ELK3: variants seen among roughly 807,000 people sequenced by gnomAD.
The protein encoded by ELK3 is ETS domain-containing protein Elk-3.
Under a neutral mutation model 28.9 loss-of-function variants are expected in ELK3, and 10 were observed. That is an observed-to-expected ratio of 0.35 (90% confidence interval 0.21 to 0.59). The LOEUF is 0.59. Among genes scored for constraint, ELK3 ranks in the 20% least tolerant of loss-of-function variants. The pLI, the probability that ELK3 is intolerant of heterozygous loss-of-function variation, is 0.82. For synonymous variants in ELK3, 272 were observed against 243.5 expected, an observed-to-expected ratio of 1.12 and a Z score of -1.09; for missense variants, 463 against 517.3, an observed-to-expected ratio of 0.90 and a Z score of 1.02.
chr12:96,235,099 C>T (rs1010196859), intron 2 of ELK3, among the ~76,000 whole-genome samples: 8 of 152,050 alleles, frequency 5.3e-5, no homozygotes, highest in Non-Finnish European at 1.2e-4. Context: ...GAGCGTGGCA[C>T]TCCTCTGCGT....
intron 2 of ELK3, among the ~76,000 whole-genome samples, chr12:96,225,730 C>T (rs1388114428): frequency 6.6e-6 from 1 of 152,370 alleles, no homozygotes; most frequent in Non-Finnish European, 1.5e-5. Flanking sequence ...AAGGCACACA[C>T]ACACCCTGCC....
intron 1 of ELK3, 61 bp from the exon 2 acceptor site, chr12:96,223,504 C>T: frequency 6.4e-7 from 1 of 1,568,586 alleles, no homozygotes; most frequent in Non-Finnish European, 8.8e-7. Context: ...CCCCCTCTCT[C>T]CTCGCCAAGT....
chr12:96,258,723 T>G (rs1951970426), intron 3 of ELK3, among the ~76,000 whole-genome samples: 1 of 152,212 alleles, frequency 6.6e-6, no homozygotes. Context: ...GCCCTCCTGC[T>G]GGCTTGCAGG....
rs564214105 is a variant in ELK3 at position 96,228,212 on chromosome 12, G to A, written c.207+4439G>A. On this transcript the variant is annotated intron_variant, in intron 2 of 4. Coordinates refer to ENST00000228741, the MANE Select transcript of ELK3 (RefSeq NM_005230.4). ...AGGTGGGTGGATCATGAGGTCAAGA[G>A]ATCAAGACCAGCCTGGCCAACATGG... is the stretch of plus-strand genomic sequence containing the variant. Among the ~76,000 whole-genome samples, 31 of 152,052 alleles carry A rather than the reference G, an allele frequency of 2.0e-4. No individual in the cohort carries two copies. The South Asian group carries it at 4.8e-3, about 23-fold the overall frequency.
rs145057515 is a variant in ELK3, at chr12:96,267,129, G to C, written c.1173G>C (p.Leu391=). The C allele has an allele frequency of 5.6e-6, 9 of 1,613,624 alleles. No homozygotes were observed. The African/African-American group carries it at 9.3e-5, about 17-fold the overall frequency. ...ACATGCCAGTGCCAATCCCCAGTCT[G>C]GACAGAGCTGCTTCTCCAGTACTGC... is the stretch of plus-strand genomic sequence containing the variant. ...NGHMPVPIPS[L]DRAASPVLLS... The change falls in exon 5 of 5, where the codon CTG becomes CTC. Residue 391 remains leucine, a synonymous_variant. Coordinates refer to ENST00000228741, the MANE Select transcript of ELK3 (RefSeq NM_005230.4).
chr12:96,233,875 T>C (rs1951761063), intron 2 of ELK3, among the ~76,000 whole-genome samples: 2 of 152,060 alleles, frequency 1.3e-5, no homozygotes, highest in South Asian at 4.1e-4. Context: ...TGGGTGTGAG[T>C]GTTGAGGGCC....
At chr12:96,241,628 C>T (rs768678063) in intron 2 of ELK3, among the ~76,000 whole-genome samples, 1 of 152,190 alleles carries the variant, frequency 6.6e-6, no homozygotes, top group African/African-American at 2.4e-5. Flanking sequence ...TCACGAGATC[C>T]TGTCATGGGC....
chr12:96,239,233 C>T (rs905399239), intron 2 of ELK3, among the ~76,000 whole-genome samples: 2 of 152,096 alleles, frequency 1.3e-5, no homozygotes, highest in African/African-American at 4.8e-5. Flanking sequence ...TTTATTTACA[C>T]ATATATGCAT....
chr12:96,267,267 T>C lies in ELK3; in HGVS notation c.*87T>C. The C allele has an allele frequency of 8.9e-7, 1 of 1,121,580 alleles. No individual in the cohort carries two copies. Among genetic ancestry groups the C allele is most frequent in the Non-Finnish European group, 1.3e-6 (1 of 789,632 alleles). The allele number at this position is 1,121,580 out of a possible 1,614,324, so 69.5% of individuals were successfully genotyped here. ...GTTTACCTGTGTCGTGAGAAGGACA[T>C]TGTGAAACTCTTGTTAATTTGGTTT... On this transcript the variant is annotated 3_prime_UTR_variant, in exon 5 of 5. Coordinates refer to ENST00000228741, the MANE Select transcript of ELK3 (RefSeq NM_005230.4).
In ELK3 at chr12:96,215,628, CCTT is replaced by C. The variant is rs1189634918; in HGVS notation, c.-2-7936_-2-7934del. Among the ~76,000 whole-genome samples, 725 of 134,994 alleles carry C rather than the reference CCTT, an allele frequency of 5.4e-3. 2 individuals carry two copies. The highest frequency in any genetic ancestry group is 8.7e-3 in the Non-Finnish European group (561 of 64,604). 88.6% of individuals were successfully genotyped at this position (134,994 alleles called of 152,430 possible). On this transcript the variant is annotated intron_variant, in intron 1 of 4. Coordinates refer to ENST00000228741, the MANE Select transcript of ELK3 (RefSeq NM_005230.4). ...GGAAAGACTAAAGAGGGACATAAAA[CCTT>C]TTTTTTTTTTTTTTTTTTTAAAGAG...
intron 3 of ELK3, among the ~76,000 whole-genome samples, chr12:96,249,649 A>T (rs1951888413): frequency 6.6e-6 from 1 of 151,970 alleles, no homozygotes; most frequent in Non-Finnish European, 1.5e-5. Flanking sequence ...GCCAGGGCTG[A>T]CTCTGATTTA....
chr12:96,225,726 C>T (rs1394636661), intron 2 of ELK3, among the ~76,000 whole-genome samples: 1 of 152,218 alleles, frequency 6.6e-6, no homozygotes, highest in African/African-American at 2.4e-5. Flanking sequence ...CCAAAAGGCA[C>T]ACACACACCC....
At chr12:96,222,531 G>A (rs975694013) in intron 1 of ELK3, among the ~76,000 whole-genome samples, 3 of 152,174 alleles carry the variant, frequency 2.0e-5, no homozygotes, top group African/African-American at 7.2e-5. Context: ...GTGATTGTTC[G>A]GTTTCACAAG....
At chr12:96,266,996 C>G in intron 4 of ELK3, 86 bp from the exon 5 acceptor site, 1 of 1,116,328 alleles carries the variant, frequency 9.0e-7, no homozygotes, top group Non-Finnish European at 1.3e-6. Flanking sequence ...AAATGGACTG[C>G]TATGGACTGT....
At chr12:96,251,724 G>T (rs1951908325) in intron 3 of ELK3, among the ~76,000 whole-genome samples, 1 of 152,220 alleles carries the variant, frequency 6.6e-6, no homozygotes, top group Non-Finnish European at 1.5e-5. Flanking sequence ...GGCTAACCCA[G>T]AGCAAGGCCC....
chr12:96,230,918 C>G (rs927758073), intron 2 of ELK3, among the ~76,000 whole-genome samples: 1 of 152,156 alleles, frequency 6.6e-6, no homozygotes, highest in African/African-American at 2.4e-5. Flanking sequence ...GGGGCAAACC[C>G]AATTATAATT....
At chr12:96,238,525 G>A (rs921012014) in intron 2 of ELK3, among the ~76,000 whole-genome samples, 2 of 152,216 alleles carry the variant, frequency 1.3e-5, no homozygotes, top group African/African-American at 4.8e-5. Flanking sequence ...TTGGCAGTGG[G>A]TGCCATCACC....
At chr12:96,223,165 A>G (rs887417909) in intron 1 of ELK3, among the ~76,000 whole-genome samples, 3 of 152,202 alleles carry the variant, frequency 2.0e-5, no homozygotes, top group African/African-American at 7.2e-5. Context: ...TCCAAACTAT[A>G]TCACGGACCC....
At chr12:96,251,345 C>G (rs1424664230) in intron 3 of ELK3, among the ~76,000 whole-genome samples, 1 of 152,148 alleles carries the variant, frequency 6.6e-6, no homozygotes, top group African/African-American at 2.4e-5. Flanking sequence ...CCCAACTGCT[C>G]TCCTGTGTCT....
Sources: allele counts gnomAD v4.1 joint callset (sites outside exome capture counted in the v4.1 genomes callset), GRCh38; gene constraint gnomAD v4.1.1; transcripts MANE v1.5; gene names NCBI Gene and HGNC (gene_info 2026-07-23, HGNC 2026-07-21).